Variants in RRP12 observed in about 807,000 individuals in gnomAD.
The protein encoded by RRP12 is RRP12-like protein.
In RRP12, 78 loss-of-function variants were observed where a neutral mutation model predicts 157.3. The ratio of observed to expected loss-of-function variants is 0.50; its 90% CI spans 0.41 to 0.60. The LOEUF (loss-of-function observed/expected upper bound fraction) is 0.60, where lower values mean the gene tolerates loss of function less well. RRP12 is among the 20% of genes least tolerant of loss of function. The pLI is 0.00. For synonymous variants in RRP12, 726 were observed against 670.9 expected (o/e 1.08, Z -1.27); for missense variants, 1,521 against 1,679.9 (o/e 0.91, Z 1.65).
In RRP12 at chr10:97,400,410, G is replaced by A. The variant is rs762289811; in HGVS notation, c.264C>T (p.Thr88=). Reference sequence around the variant, plus strand: ...TCAGGAAGGTACCCGAGGACTTCTCGGTGAGAACCAGCTCCGCCTCTTCTT... The same window carrying A: ...TCAGGAAGGTACCCGAGGACTTCTCAGTGAGAACCAGCTCCGCCTCTTCTT... ...PMEEEAELVL[T]EKSSGTFLSG... Residue 88 remains threonine (T), a synonymous_variant, in exon 2 of 34, where the codon ACC becomes ACT. Coordinates refer to ENST00000370992, the MANE Select transcript of RRP12 (RefSeq NM_015179.4). 6 of 1,614,110 alleles carry A rather than the reference G, an allele frequency of 3.7e-6. No homozygotes were observed. The highest frequency in any genetic ancestry group is 5.1e-6 in the Non-Finnish European group (6 of 1,180,018).
intron 29 of RRP12, among the ~76,000 whole-genome samples, chr10:97,365,581 A>G (rs1228483227): frequency 6.6e-6 from 1 of 152,018 alleles, no homozygotes; most frequent in Non-Finnish European, 1.5e-5. Flanking sequence ...CGAAGACCTA[A>G]GTGTTTCTTA....
intron 15 of RRP12, 34 bp from the exon 16 acceptor site, chr10:97,373,928 A>G (rs1209361152): frequency 3.8e-6 from 6 of 1,598,062 alleles, no homozygotes; most frequent in Non-Finnish European, 4.3e-6. Context: ...GTGTGAGCCC[A>G]GCACCCTCCT....
chr10:97,366,866 C>T lies in RRP12; in HGVS notation c.3091G>A (p.Val1031Ile), dbSNP rs1217422838. Residue 1031 changes from valine (V) to isoleucine (I), a missense_variant, in exon 27 of 34, where the codon GTC becomes ATC. By Grantham distance (29) the Val-to-Ile change is conservative. Coordinates refer to ENST00000370992, the MANE Select transcript of RRP12 (RefSeq NM_015179.4). Reference sequence around the variant, plus strand: ...TCAGCTTTCCGGATGTTGACCAGGACTCTGTGGTACTCCTCGGGCAACAGC... The same window carrying T: ...TCAGCTTTCCGGATGTTGACCAGGATTCTGTGGTACTCCTCGGGCAACAGC... ...KRLLPEEYHRVLVNIRKAEAR... is the reference protein window; with the variant it reads ...KRLLPEEYHRILVNIRKAEAR... 6.2e-7 allele frequency: 1 copy of T among 1,614,136 alleles called. No individual in the cohort carries two copies. Among genetic ancestry groups the T allele is most frequent in the Non-Finnish European group, 8.5e-7 (1 of 1,180,010 alleles).
intron 22 of RRP12, 48 bp from the exon 23 acceptor site, chr10:97,370,608 G>T (rs374037595): frequency 6.3e-7 from 1 of 1,587,260 alleles, no homozygotes; most frequent in Non-Finnish European, 8.6e-7. Flanking sequence ...CCATCTGCCC[G>T]GGAAGCGAAT....
chr10:97,365,939 A>G, intron 29 of RRP12, 169 bp downstream of exon 29: 1 of 851,022 alleles, frequency 1.2e-6, no homozygotes, highest in South Asian at 1.5e-5. Flanking sequence ...TTACAACATA[A>G]AAAGATTTCT....
chr10:97,396,162 T>A, intron 3 of RRP12, 56 bp downstream of exon 3: 1 of 1,296,134 alleles, frequency 7.7e-7, no homozygotes, highest in Admixed American at 1.7e-5. Flanking sequence ...ATCTTCTCGC[T>A]AAATCTTGCA....
At chr10:97,371,897 C>T in intron 20 of RRP12, 176 bp downstream of exon 20, 1 of 555,502 alleles carries the variant, frequency 1.8e-6, no homozygotes, top group Non-Finnish European at 3.2e-6. Context: ...CCCTTTGGGA[C>T]CTGCAAGACA....
chr10:97,387,715 CAG>C (rs1478933139), intron 8 of RRP12, among the ~76,000 whole-genome samples: 2 of 151,048 alleles, frequency 1.3e-5, no homozygotes, highest in Non-Finnish European at 2.9e-5. Context: ...TTGAGGCGGG[CAG>C]ATCACCTGAG....
intron 15 of RRP12, among the ~76,000 whole-genome samples, 159 bp from the exon 16 acceptor site, chr10:97,374,053 C>G (rs1480005632): frequency 6.6e-6 from 1 of 152,220 alleles, no homozygotes; most frequent in Non-Finnish European, 1.5e-5. Flanking sequence ...CTAAAATACT[C>G]AAATGAACCT....
Position 97,373,826 on chromosome 10 carries a change from T to G in RRP12, c.1863+4A>C, listed in dbSNP as rs770962541. ...CCCCACGCCCTCCCCCAGCTGACCC[T>G]TACCTGCCACTGGAGTGTGTCGTAG... On this transcript the variant is annotated splice_donor_region_variant and intron_variant, in intron 16 of 33. Coordinates refer to ENST00000370992, the MANE Select transcript of RRP12 (RefSeq NM_015179.4). 10 of 1,613,810 alleles carry G rather than the reference T, an allele frequency of 6.2e-6. No individual in the cohort carries two copies. The highest frequency in any genetic ancestry group is 7.6e-6 in the Non-Finnish European group (9 of 1,179,862).
Position 97,367,030 on chromosome 10 carries a change from A to C in RRP12, c.3047+11T>G. On this transcript the variant is annotated intron_variant, in intron 26 of 33. Transcript: ENST00000370992. ...GCTTGCCCTACCCCCGCCCCTGCTC[A>C]GTGCACAGACCCAAACTTGCGGATG... 1 of 1,613,872 alleles carries C rather than the reference A, an allele frequency of 6.2e-7. No individual in the cohort carries two copies. Among genetic ancestry groups the C allele is most frequent in the Non-Finnish European group, 8.5e-7 (1 of 1,179,754 alleles).
At chr10:97,365,968 G>T in intron 29 of RRP12, 140 bp downstream of exon 29, 1 of 1,104,598 alleles carries the variant, frequency 9.1e-7, no homozygotes, top group South Asian at 1.3e-5. Context: ...CTCAAAAAAA[G>T]TTTGAGAAAC....
chr10:97,398,354 T>G (rs1845043764), intron 2 of RRP12, among the ~76,000 whole-genome samples: 1 of 98,340 alleles, frequency 1.0e-5, no homozygotes. Flanking sequence ...GCGCCCGGCC[T>G]TTTTTTTTTT....
intron 17 of RRP12, 65 bp from the exon 18 acceptor site, chr10:97,373,265 G>GCCACA: frequency 1.9e-6 from 3 of 1,546,612 alleles, no homozygotes; most frequent in Non-Finnish European, 2.7e-6. Context: ...TGGCTGCTGG[G>GCCACA]GCTGTGGCCC....
intron 23 of RRP12, 80 bp from the exon 24 acceptor site, chr10:97,370,354 C>T (rs576567655): frequency 2.2e-6 from 3 of 1,369,692 alleles, no homozygotes; most frequent in Non-Finnish European, 3.1e-6. Context: ...GAGCAGCCTG[C>T]CCAGGGCCAG....
Position 97,373,187 on chromosome 10 carries a change from A to G in RRP12, c.2040T>C (p.Ala680=). The change falls in exon 18 of 34, where the codon GCT becomes GCC. Residue 680 remains alanine, a synonymous_variant. Coordinates refer to ENST00000370992, the MANE Select transcript of RRP12 (RefSeq NM_015179.4). ...TKGCQAEADR[A]EVSRFAKNFL... ...AGTTCTTGGCAAAGCGACTCACTTC[A>G]GCACGGTCAGCCTCTGGTAAAAGGA... is the stretch of plus-strand genomic sequence containing the variant. 2 of 1,614,190 alleles carry G rather than the reference A, an allele frequency of 1.2e-6. No individual in the cohort carries two copies. Among genetic ancestry groups the G allele is most frequent in the Non-Finnish European group, 8.5e-7 (1 of 1,180,034 alleles).
intron 6 of RRP12, among the ~76,000 whole-genome samples, chr10:97,389,041 C>A (rs1008587886): frequency 4.6e-5 from 7 of 152,190 alleles, no homozygotes; most frequent in Admixed American, 4.6e-4. Flanking sequence ...AAAACAAATA[C>A]ATAACAGAAG....
chr10:97,389,803 G>A (rs1403575475), intron 6 of RRP12, among the ~76,000 whole-genome samples: 1 of 151,768 alleles, frequency 6.6e-6, no homozygotes, highest in Non-Finnish European at 1.5e-5. Context: ...ACCTCTGCCT[G>A]CTGGGTTCAA....
intron 2 of RRP12, among the ~76,000 whole-genome samples, chr10:97,397,171 T>C (rs1009886671): frequency 1.3e-5 from 2 of 152,164 alleles, no homozygotes; most frequent in Non-Finnish European, 2.9e-5. Context: ...GTTGTTGTTG[T>C]TGTTTTTGAG....
Sources: gnomAD v4.1 joint callset for allele counts (sites outside exome capture counted in the v4.1 genomes callset) on GRCh38, gnomAD v4.1.1 for gene constraint, MANE v1.5 for transcripts, NCBI Gene and HGNC (gene_info 2026-07-23, HGNC 2026-07-21) for gene names.